AP2A1: variants seen among roughly 807,000 people sequenced by gnomAD.
AP2A1 encodes the protein AP-2 complex subunit alpha-1.
A neutral mutation model predicts 107.3 loss-of-function variants in AP2A1; 21 were observed. The observed-to-expected ratio is 0.20, with a 90% CI of 0.14 to 0.28. The LOEUF (loss-of-function observed/expected upper bound fraction) is 0.28, where lower values mean the gene tolerates loss of function less well. AP2A1 is among the 10% of genes least tolerant of loss of function. The pLI, the probability that AP2A1 is intolerant of heterozygous loss-of-function variation, is 1.00. For missense variants in AP2A1, 873 were observed against 1,307.7 expected, an observed-to-expected ratio of 0.67 and a Z score of 5.13; for synonymous variants, 602 against 564.8, an observed-to-expected ratio of 1.07 and a Z score of -0.93.
chr19:49,805,966 C>T (rs1395045240), intron 21 of AP2A1, 25 bp downstream of exon 21: 3 of 1,613,574 alleles, frequency 1.9e-6, no homozygotes, highest in Admixed American at 1.7e-5. Flanking sequence ...GCGTGTTTGC[C>T]GGCCTATGGC....
Position 49,779,496 on chromosome 19 carries a change from A to AAC in AP2A1, c.68-2260_68-2259insCA, listed in dbSNP as rs1193234377. 2.0e-4 allele frequency among the ~76,000 whole-genome samples: 30 copies of AAC among 150,916 alleles called. 1 individual carries two copies. The highest frequency in any genetic ancestry group is 6.6e-4 in the African/African-American group (27 of 41,176). ...ACTCCAGCCTGGGCTACAAAAAAAA[A>AAC]AAAAAAAAAAAAAAACAGAAACAGG... is the stretch of plus-strand genomic sequence containing the variant. On this transcript the variant is annotated intron_variant, in intron 1 of 22. Coordinates refer to ENST00000354293, the MANE Select transcript of AP2A1 (RefSeq NM_130787.3).
In AP2A1 at chr19:49,785,723, C is replaced by T. The variant is rs2123702962; in HGVS notation, c.473+2999C>T. 6.6e-6 allele frequency among the ~76,000 whole-genome samples: 1 copy of T among 152,230 alleles called. No individual in the cohort carries two copies. Among genetic ancestry groups the T allele is most frequent in the Middle Eastern group, 3.4e-3 (1 of 294 alleles). On this transcript the variant is annotated intron_variant, in intron 4 of 22. Transcript: ENST00000354293. This position sits in a 1 kb window ranked among gnomAD's most constrained non-coding sequence, Gnocchi z 4.1. ...CTTGAGGTCAGGAGTTCAAGAACAG[C>T]TTGGCCAACGTGGTGAAGCCCCGTC...
At chr19:49,781,054 G>C (rs1012315265) in intron 1 of AP2A1, among the ~76,000 whole-genome samples, 12 of 152,228 alleles carry the variant, frequency 7.9e-5, no homozygotes, top group East Asian at 7.7e-4. Context: ...TGCTCTGAAG[G>C]GGGTGCTGTA....
chr19:49,793,109 T>C lies in AP2A1; in HGVS notation c.705+17T>C, dbSNP rs760933219. 3.8e-6 allele frequency: 6 copies of C among 1,583,692 alleles called. No homozygotes were observed. In the African/African-American group the frequency reaches 6.7e-5, roughly 18 times the overall value. On this transcript the variant is annotated intron_variant, in intron 6 of 22. Coordinates refer to ENST00000354293, the MANE Select transcript of AP2A1 (RefSeq NM_130787.3). ...CTGAGCCGGGTGGGTGTGGCCTAGA[T>C]ATTGGCTGCTGGAGGTGGCCCTGGC...
rs376682843 is a variant in AP2A1 at position 49,803,158 on chromosome 19, C to G, written c.2223C>G (p.Ile741Met). 6.2e-7 allele frequency: 1 copy of G among 1,613,860 alleles called. No individual in the cohort carries two copies. Among genetic ancestry groups the G allele is most frequent in the African/African-American group, 1.3e-5 (1 of 74,906 alleles). The change falls in exon 17 of 23, where the codon ATC (isoleucine) becomes ATG (methionine). Residue 741 changes from isoleucine to methionine, a missense_variant. By Grantham distance (10) the Ile-to-Met change is conservative. Transcript: ENST00000354293. ...GVLFENQLLQIGVKSEFRQNL... is the reference protein window; with the variant it reads ...GVLFENQLLQMGVKSEFRQNL... The stretch of plus-strand genomic sequence containing the variant: ...TGTTCGAGAACCAGCTGCTGCAGAT[C>G]GGAGTCAAGTCAGAGTTCCGACAGA...
At chr19:49,794,320 A>T (rs377292720) in intron 6 of AP2A1, among the ~76,000 whole-genome samples, 1 of 142,012 alleles carries the variant, frequency 7.0e-6, no homozygotes, top group Non-Finnish European at 1.5e-5. Flanking sequence ...GGCTCAAGCG[A>T]TCTCTCGCCT....
chr19:49,788,833 G>C lies in AP2A1; in HGVS notation c.474-3102G>C, dbSNP rs2073106852. ...TGGCCAGGCTTCTTGCTGGTTTCTG[G>C]TTCTAACTTGATGACCACTGGGCAG... On this transcript the variant is annotated intron_variant, in intron 4 of 22. Transcript: ENST00000354293. This position sits in a 1 kb window ranked among gnomAD's most constrained non-coding sequence, Gnocchi z 4.5. 1.3e-5 allele frequency among the ~76,000 whole-genome samples: 2 copies of C among 152,206 alleles called. No homozygotes were observed. Among genetic ancestry groups the C allele is most frequent in the Admixed American group, 1.3e-4 (2 of 15,272 alleles).
At chr19:49,797,717 C>A (rs1248255890) in intron 7 of AP2A1, among the ~76,000 whole-genome samples, 2 of 151,742 alleles carry the variant, frequency 1.3e-5, no homozygotes, top group Admixed American at 1.3e-4. Context: ...CAGAGTGAGA[C>A]TCTGTCTCAA....
Position 49,800,156 on chromosome 19 carries a change from C to T in AP2A1, c.1455+6C>T. 6.2e-7 allele frequency: 1 copy of T among 1,604,602 alleles called. No homozygotes were observed. Among genetic ancestry groups the T allele is most frequent in the Non-Finnish European group, 8.5e-7 (1 of 1,173,550 alleles). On this transcript the variant is annotated splice_donor_region_variant and intron_variant, in intron 11 of 22. Transcript: ENST00000354293. ...CCGCCAAGACCGTCTTTGAGGTCAG[C>T]ATCCCTGACCCTGACCCTATGACCC... is the stretch of plus-strand genomic sequence containing the variant.
chr19:49,781,725 C>T (rs1251914145), intron 1 of AP2A1, 32 bp from the exon 2 acceptor site: 8 of 1,564,604 alleles, frequency 5.1e-6, no homozygotes, highest in Non-Finnish European at 6.9e-6. Flanking sequence ...TCCCCAGACC[C>T]CTCACTGCCT....
chr19:49,775,312 C>T (rs2084606662), intron 1 of AP2A1, among the ~76,000 whole-genome samples: 1 of 152,102 alleles, frequency 6.6e-6, no homozygotes, highest in African/African-American at 2.4e-5. Context: ...ACTATTATTT[C>T]AGTGTGTAAC....
At chr19:49,777,219 A>C (rs139338727) in intron 1 of AP2A1, among the ~76,000 whole-genome samples, 2,603 of 152,164 alleles carry the variant, frequency 0.017, 28 homozygotes, top group Non-Finnish European at 0.025. Context: ...TGGGTGACAG[A>C]GCGAGACTCT....
At chr19:49,780,149 C>T (rs1030588142) in intron 1 of AP2A1, among the ~76,000 whole-genome samples, 2 of 152,236 alleles carry the variant, frequency 1.3e-5, no homozygotes, top group Non-Finnish European at 2.9e-5. Flanking sequence ...AGAGCACCTG[C>T]TGTATGCAGG....
At chr19:49,792,896 T>C (rs558996598) in intron 5 of AP2A1, 95 bp from the exon 6 acceptor site, 3 of 1,083,686 alleles carry the variant, frequency 2.8e-6, no homozygotes, top group South Asian at 1.4e-5. Context: ...TCTTCCCGAC[T>C]GCACACACAT....
At chr19:49,775,092 G>T (rs982655438) in intron 1 of AP2A1, among the ~76,000 whole-genome samples, 2 of 151,380 alleles carry the variant, frequency 1.3e-5, no homozygotes, top group Non-Finnish European at 1.5e-5. Flanking sequence ...GCCACGCATG[G>T]TGGCATGCAC....
chr19:49,799,585 A>G (rs1248729196), intron 9 of AP2A1, 44 bp from the exon 10 acceptor site: 9 of 1,600,842 alleles, frequency 5.6e-6, no homozygotes, highest in Middle Eastern at 1.7e-4. Context: ...CCCTGTGCCA[A>G]CAGGGAGTCT....
chr19:49,801,396 A>G lies in AP2A1; in HGVS notation c.1560A>G (p.Pro520=), dbSNP rs2123751036. The change falls in exon 13 of 23, where the codon CCA becomes CCG. Residue 520 remains proline, a synonymous_variant. Coordinates refer to ENST00000354293, the MANE Select transcript of AP2A1 (RefSeq NM_130787.3). The part of the protein sequence containing the change: ...LIAGDPRSSP[P]VQFSLLHSKF... ...CACCCACTCCTGCACACAGCCCCCC[A>G]GTGCAGTTCTCCCTGCTCCACTCCA... is the stretch of plus-strand genomic sequence containing the variant. 17 of 1,613,160 alleles carry G rather than the reference A, an allele frequency of 1.1e-5. No homozygotes were observed. The highest frequency in any genetic ancestry group is 1.4e-5 in the Non-Finnish European group (17 of 1,179,650).
At chr19:49,803,662 C>T (rs2123760981) in intron 18 of AP2A1, 1 of 455,794 alleles carries the variant, frequency 2.2e-6, no homozygotes, top group Non-Finnish European at 4.1e-6. Flanking sequence ...CCATCGTCCT[C>T]CACTGGGCTC....
At chr19:49,802,346 G>C (rs189738329) in intron 15 of AP2A1, 4 of 847,120 alleles carry the variant, frequency 4.7e-6, no homozygotes, top group Non-Finnish European at 7.7e-6. Flanking sequence ...GGACTCCGCC[G>C]ACCCTGGCCA....
Sources: allele counts gnomAD v4.1 joint callset (sites outside exome capture counted in the v4.1 genomes callset), GRCh38; gene constraint gnomAD v4.1.1; non-coding constraint Gnocchi (gnomAD v3.1); transcripts MANE v1.5; gene names NCBI Gene and HGNC (gene_info 2026-07-23, HGNC 2026-07-21).